UBAC2: variants seen among roughly 807,000 people sequenced by gnomAD.
The protein encoded by UBAC2 is UBA domain containing 2.
UBAC2 carries 26 observed loss-of-function variants against 44.0 expected under a neutral mutation model. The ratio of observed to expected loss-of-function variants is 0.59; its 90% CI spans 0.43 to 0.82. The LOEUF (loss-of-function observed/expected upper bound fraction) is 0.82. Ranked by LOEUF, UBAC2 falls within the 40% of genes least tolerant of loss-of-function variation. UBAC2 has a pLI of 0.00. For missense variants in UBAC2, 329 were observed against 419.4 expected (o/e 0.78, Z 1.88); for synonymous variants, 155 against 154.3 (o/e 1.00, Z -0.04).
intron 6 of UBAC2, among the ~76,000 whole-genome samples, chr13:99,321,053 G>A (rs1456501714): frequency 6.6e-6 from 1 of 152,216 alleles, no homozygotes; most frequent in African/African-American, 2.4e-5. Context: ...CTGTTGATGA[G>A]ATTTCACATT....
At chr13:99,247,903 A>T (rs1290637621) in intron 4 of UBAC2, among the ~76,000 whole-genome samples, 1 of 150,836 alleles carries the variant, frequency 6.6e-6, no homozygotes. Context: ...ACTATATAGG[A>T]ACTTCTCTTA....
At chr13:99,284,705 A>G (rs924447076) in intron 4 of UBAC2, among the ~76,000 whole-genome samples, 1 of 152,154 alleles carries the variant, frequency 6.6e-6, no homozygotes, top group Admixed American at 6.5e-5. Flanking sequence ...TACATGTTGC[A>G]TTTCATTGGT....
intron 4 of UBAC2, among the ~76,000 whole-genome samples, chr13:99,262,486 T>C (rs1439818598): frequency 6.6e-6 from 1 of 152,030 alleles, no homozygotes; most frequent in African/African-American, 2.4e-5. Flanking sequence ...GTGGATCACC[T>C]GAGGTCAGGA....
intron 1 of UBAC2, among the ~76,000 whole-genome samples, chr13:99,203,023 T>TTTTATTTATTTA (rs58103279): frequency 0.063 from 9,251 of 146,454 alleles, 346 homozygotes; most frequent in South Asian, 0.12. Flanking sequence ...CTTTGTTTTA[T>TTTTATTTATTTA]TTTATTTATT....
chr13:99,242,430 A>G (rs1253834476), intron 2 of UBAC2, among the ~76,000 whole-genome samples: 5 of 117,032 alleles, frequency 4.3e-5, no homozygotes, highest in East Asian at 2.6e-4. Context: ...CTCACCTCCC[A>G]GACGGGGCGG....
rs117078742 is a variant in UBAC2 at position 99,383,631 on chromosome 13, C to T, written c.928-1597C>T. Among the ~76,000 whole-genome samples the T allele has an allele frequency of 3.2e-3, 484 of 152,356 alleles. 4 individuals are homozygous for T. Among genetic ancestry groups the T allele is most frequent in the Non-Finnish European group, 6.2e-3 (423 of 68,032 alleles). On this transcript the variant is annotated intron_variant, in intron 8 of 8. Coordinates refer to ENST00000403766, the MANE Select transcript of UBAC2 (RefSeq NM_001144072.2). ...TCTTGGCTTCCTAGCCAGGGCTGTGCGTCAGTCCCCGTGCTAAGGGTTGAA... is the reference window on the plus strand; with the variant it reads ...TCTTGGCTTCCTAGCCAGGGCTGTGTGTCAGTCCCCGTGCTAAGGGTTGAA...
At chr13:99,215,515 T>C (rs974567949) in intron 1 of UBAC2, 12 of 1,470,404 alleles carry the variant, frequency 8.2e-6, no homozygotes, top group African/African-American at 6.9e-5. Flanking sequence ...AGGGGTAATA[T>C]ACACTTTACC....
chr13:99,376,234 T>C (rs946309473), intron 8 of UBAC2, among the ~76,000 whole-genome samples: 6 of 152,186 alleles, frequency 3.9e-5, no homozygotes, highest in African/African-American at 1.4e-4. Context: ...GTGACAGTGC[T>C]CTTGTGGCAA....
chr13:99,316,132 C>T (rs548676617), intron 5 of UBAC2, among the ~76,000 whole-genome samples: 3 of 151,820 alleles, frequency 2.0e-5, no homozygotes, highest in Admixed American at 1.3e-4. Flanking sequence ...GTAATATTTC[C>T]GGTAACTTTG....
intron 6 of UBAC2, among the ~76,000 whole-genome samples, chr13:99,328,099 AT>A (rs148157258): frequency 0.031 from 4,648 of 152,342 alleles, 93 homozygotes; most frequent in Middle Eastern, 0.13. Flanking sequence ...GTATTGTATA[AT>A]ATGAAGTATT....
intron 7 of UBAC2, among the ~76,000 whole-genome samples, chr13:99,361,417 C>T (rs1383961089): frequency 6.6e-6 from 1 of 152,204 alleles, no homozygotes. Context: ...CACTTTTCTA[C>T]TATCACAGGA....
chr13:99,385,105 A>G, intron 8 of UBAC2, 123 bp from the exon 9 acceptor site: 1 of 690,132 alleles, frequency 1.4e-6, no homozygotes, highest in Non-Finnish European at 2.5e-6. Context: ...TATTGAAATG[A>G]AAATTGGTTT....
chr13:99,213,822 T>G (rs1181728827), intron 1 of UBAC2, among the ~76,000 whole-genome samples: 1 of 152,088 alleles, frequency 6.6e-6, no homozygotes, highest in Non-Finnish European at 1.5e-5. Flanking sequence ...TAAGAATATT[T>G]TATTTTATTT....
intron 4 of UBAC2, among the ~76,000 whole-genome samples, chr13:99,305,367 C>T (rs72649510): frequency 0.14 from 20,911 of 152,108 alleles, 1,696 homozygotes; most frequent in East Asian, 0.32. Flanking sequence ...GAACACCACG[C>T]GTCCTCTACA....
chr13:99,341,417 CAG>C (rs199911860), intron 7 of UBAC2, among the ~76,000 whole-genome samples: 1,624 of 13,312 alleles, frequency 0.12, 48 homozygotes, highest in East Asian at 0.38. Flanking sequence ...GAGTTTATAT[CAG>C]GGGGGGGGAG....
chr13:99,374,337 T>C (rs965013673), intron 8 of UBAC2, among the ~76,000 whole-genome samples: 10 of 152,200 alleles, frequency 6.6e-5, no homozygotes, highest in Non-Finnish European at 1.0e-4. Context: ...TCTGCTTCCT[T>C]AAAGTTTCAA....
At chr13:99,294,418 A>G (rs2044136515) in intron 4 of UBAC2, 1 of 152,250 alleles carries the variant, frequency 6.6e-6, no homozygotes, top group African/African-American at 2.4e-5. Flanking sequence ...CAGTGCTTTC[A>G]TTGCCTCAGT....
In UBAC2 at chr13:99,295,454, G is replaced by A; in HGVS notation, c.390-18643G>A. 6.2e-7 allele frequency: 1 copy of A among 1,614,032 alleles called. No individual in the cohort carries two copies. The highest frequency in any genetic ancestry group is 8.5e-7 in the Non-Finnish European group (1 of 1,180,006). ...GTTTACACCAGATTTCTCAGTGAGT[G>A]GGTTTTGTTTGGCAGTTCTGAAGAG... On this transcript the variant is annotated intron_variant, in intron 4 of 8. Transcript: ENST00000403766. The surrounding 1 kb of genome is among the most constrained non-coding windows in gnomAD (Gnocchi z 4.1).
At chr13:99,332,254 A>G (rs1441403497) in intron 6 of UBAC2, among the ~76,000 whole-genome samples, 1 of 152,202 alleles carries the variant, frequency 6.6e-6, no homozygotes, top group Admixed American at 6.5e-5. Context: ...GTTTCAGGCT[A>G]GTACTAAACA....
Sources: gnomAD v4.1 joint callset for allele counts (sites outside exome capture counted in the v4.1 genomes callset) on GRCh38, gnomAD v4.1.1 for gene constraint, Gnocchi (gnomAD v3.1) non-coding constraint, MANE v1.5 for transcripts, NCBI Gene and HGNC (gene_info 2026-07-23, HGNC 2026-07-21) for gene names.